The following ZC3H12B variants were observed in gnomAD, a reference collection of about 807,000 sequenced individuals.
The protein encoded by ZC3H12B is probable ribonuclease ZC3H12B.
A neutral mutation model predicts 43.9 loss-of-function variants in ZC3H12B; 7 were observed. That is an observed-to-expected ratio of 0.16 (90% CI 0.09 to 0.30). The LOEUF is 0.30. Among genes scored for constraint, ZC3H12B ranks in the 10% least tolerant of loss-of-function variants. The pLI is 1.00. For missense variants in ZC3H12B, 475 were observed against 670.2 expected, an observed-to-expected ratio of 0.71 and a Z score of 3.22; for synonymous variants, 222 against 241.7, an observed-to-expected ratio of 0.92 and a Z score of 0.76.
At chrX:65,260,418 G>A in the ZC3H12B span, among the ~76,000 whole-genome samples, 2 of 110,925 alleles carry the variant, frequency 1.8e-5, no homozygotes, top group African/African-American at 6.5e-5. Flanking sequence ...ACTACTTGAG[G>A]GTGTAGGGTG....
the ZC3H12B span, among the ~76,000 whole-genome samples, chrX:65,232,226 G>A: frequency 9.0e-6 from 1 of 111,058 alleles, no homozygotes; most frequent in Non-Finnish European, 1.9e-5. Flanking sequence ...GGGTGACAGA[G>A]TAAGACTCTG....
the ZC3H12B span, among the ~76,000 whole-genome samples, chrX:65,080,984 G>A: frequency 9.3e-6 from 1 of 107,834 alleles, no homozygotes; most frequent in African/African-American, 3.4e-5. Flanking sequence ...AAAGCAGGGG[G>A]ACAAAGTTAA....
At chrX:65,131,918 G>A in the ZC3H12B span, among the ~76,000 whole-genome samples, 1 of 111,423 alleles carries the variant, frequency 9.0e-6, no homozygotes, top group East Asian at 2.8e-4. Context: ...AAAGTAGAAG[G>A]TCATCGATAT....
the ZC3H12B span, among the ~76,000 whole-genome samples, chrX:65,180,021 T>C: frequency 8.9e-6 from 1 of 111,841 alleles, no homozygotes; most frequent in African/African-American, 3.2e-5. Flanking sequence ...GGCATCGTCC[T>C]GATACCAAAA....
intron 1 of ZC3H12B, among the ~76,000 whole-genome samples, chrX:65,496,259 T>C (rs1290605042): frequency 1.8e-5 from 2 of 112,147 alleles, no homozygotes; most frequent in African/African-American, 6.5e-5. Context: ...TGTTGGTGCA[T>C]TGTATTAAAT....
chrX:65,394,647 C>A (rs781204060), intron 2 of ZC3H12B, among the ~76,000 whole-genome samples: 3 of 111,663 alleles, frequency 2.7e-5, no homozygotes, highest in African/African-American at 9.7e-5. Context: ...ATGCCTCTAG[C>A]TTTGTTCTTT....
chrX:65,271,251 A>T, the ZC3H12B span: 2 of 112,248 alleles, frequency 1.8e-5, no homozygotes, highest in African/African-American at 6.5e-5. Flanking sequence ...AAAAGAATTC[A>T]TCTAGCCATC....
At chrX:65,251,721 C>G in the ZC3H12B span, among the ~76,000 whole-genome samples, 27 of 111,282 alleles carry the variant, frequency 2.4e-4, no homozygotes, top group African/African-American at 8.8e-4. Context: ...GGAGTTCACT[C>G]ATGATTTGGC....
At chrX:65,362,739 G>A (rs748308031), upstream of ZC3H12B, among the ~76,000 whole-genome samples, 3 of 110,814 alleles carry the variant, frequency 2.7e-5, no homozygotes, top group African/African-American at 6.6e-5. Context: ...GTTATCACTC[G>A]CCTGTTACAG....
At chrX:65,316,380 C>T in the ZC3H12B span, among the ~76,000 whole-genome samples, 1 of 111,350 alleles carries the variant, frequency 9.0e-6, no homozygotes, top group African/African-American at 3.3e-5. Flanking sequence ...GAAATGAAAG[C>T]AAAATTTTAA....
At chrX:65,041,258 G>A in the ZC3H12B span, among the ~76,000 whole-genome samples, 3 of 111,777 alleles carry the variant, frequency 2.7e-5, no homozygotes, top group African/African-American at 9.8e-5. Flanking sequence ...CATTAATTCA[G>A]GCCCCACTAA....
intron 2 of ZC3H12B, among the ~76,000 whole-genome samples, chrX:65,385,655 G>T (rs755241476): frequency 9.0e-6 from 1 of 110,931 alleles, no homozygotes; most frequent in African/African-American, 3.3e-5. Flanking sequence ...CTGCATGATT[G>T]CTCTGGCCAG....
At chrX:65,370,892 G>A (rs2066235098) in intron 2 of ZC3H12B, among the ~76,000 whole-genome samples, 1 of 111,875 alleles carries the variant, frequency 8.9e-6, no homozygotes, top group Admixed American at 9.5e-5. Flanking sequence ...TAGTAGAGTA[G>A]GAAATACATT....
At chrX:65,179,704 A>G in the ZC3H12B span, among the ~76,000 whole-genome samples, 1 of 112,000 alleles carries the variant, frequency 8.9e-6, no homozygotes, top group East Asian at 2.8e-4. Context: ...AGAATACTAT[A>G]AAAAACCTCT....
At chrX:65,242,476 C>G in the ZC3H12B span, among the ~76,000 whole-genome samples, 1 of 111,489 alleles carries the variant, frequency 9.0e-6, no homozygotes. Context: ...AAACAATGAA[C>G]AAAATTAAAG....
At chrX:65,410,754 T>G (rs1417157729) in intron 3 of ZC3H12B, among the ~76,000 whole-genome samples, 1 of 111,835 alleles carries the variant, frequency 8.9e-6, no homozygotes, top group African/African-American at 3.3e-5. Context: ...CAAAGTACAA[T>G]AAGATATCAT....
At chrX:65,061,619 A>G in the ZC3H12B span, among the ~76,000 whole-genome samples, 723 of 112,375 alleles carry the variant, frequency 6.4e-3, 6 homozygotes, top group African/African-American at 0.02. Context: ...TGGTGCTGCA[A>G]TAAACAAACA....
chrX:65,315,099 A>G, the ZC3H12B span, among the ~76,000 whole-genome samples: 1 of 111,459 alleles, frequency 9.0e-6, no homozygotes, highest in East Asian at 2.8e-4. Context: ...ACACAAGGAG[A>G]AAACATAAAT....
the ZC3H12B span, among the ~76,000 whole-genome samples, chrX:65,360,055 A>G: frequency 2.7e-5 from 3 of 112,448 alleles, no homozygotes; most frequent in African/African-American, 9.7e-5. Flanking sequence ...CTGAAGGTTC[A>G]GATGATTGTT....
Sources: allele counts gnomAD v4.1 joint callset (sites outside exome capture counted in the v4.1 genomes callset), GRCh38; gene constraint gnomAD v4.1.1; transcripts MANE v1.5; gene names NCBI Gene and HGNC (gene_info 2026-07-23, HGNC 2026-07-21).